The following SPTBN2 variants were observed in gnomAD, a reference collection of about 807,000 sequenced individuals.
The protein encoded by SPTBN2 is spectrin beta, non-erythrocytic 2.
SPTBN2 carries 107 observed loss-of-function variants against 284.2 expected under a neutral mutation model. The observed-to-expected ratio is 0.38, with a 90% CI of 0.32 to 0.44. The LOEUF (loss-of-function observed/expected upper bound fraction) is 0.44. SPTBN2 is among the 20% of genes least tolerant of loss of function. The pLI is 1.00. For missense variants in SPTBN2, 2,569 were observed against 3,287.1 expected (o/e 0.78, Z 5.34); for synonymous variants, 1,289 against 1,354.8 (o/e 0.95, Z 1.07).
Position 66,685,855 on chromosome 11 carries a change from G to A in SPTBN2, c.*16C>T. 6.2e-7 allele frequency: 1 copy of A among 1,611,084 alleles called. No homozygotes were observed. Among genetic ancestry groups the A allele is most frequent in the East Asian group, 2.2e-5 (1 of 44,858 alleles). ...CTGAACGGAGGGAGGGAGTTGGCCTGGGACCTTGCCCCCAACTACTTGTTC... is the reference window on the plus strand; with the variant it reads ...CTGAACGGAGGGAGGGAGTTGGCCTAGGACCTTGCCCCCAACTACTTGTTC... On this transcript the variant is annotated 3_prime_UTR_variant, in exon 38 of 38. Coordinates refer to ENST00000533211, the MANE Select transcript of SPTBN2 (RefSeq NM_006946.4). This position sits in a 1 kb window ranked among gnomAD's most constrained non-coding sequence, Gnocchi z 4.4.
In SPTBN2 at chr11:66,693,964, G is replaced by T; in HGVS notation, c.4504-103C>A. 1 of 1,325,142 alleles carries T rather than the reference G, an allele frequency of 7.5e-7. No homozygotes were observed. Among genetic ancestry groups the T allele is most frequent in the Non-Finnish European group, 1.1e-6 (1 of 946,920 alleles). The allele number at this position is 1,325,142 out of a possible 1,614,324, so 82.1% of individuals were successfully genotyped here. ...ACCTGGGGCTACCGCCCTGTGTGTG[G>T]GGAACAGTCATCTCTGGTTCTGGGA... On this transcript the variant is annotated intron_variant, in intron 22 of 37. Coordinates refer to ENST00000533211, the MANE Select transcript of SPTBN2 (RefSeq NM_006946.4). The surrounding 1 kb of genome is among the most constrained non-coding windows in gnomAD (Gnocchi z 5.7).
At chr11:66,686,627 T>A (rs1270023339) in intron 36 of SPTBN2, 187 bp from the exon 37 acceptor site, 1 of 706,840 alleles carries the variant, frequency 1.4e-6, no homozygotes, top group African/African-American at 1.8e-5. Context: ...CCTTTCTGAC[T>A]GGCCCCAGAG....
chr11:66,688,792 C>G lies in SPTBN2; in HGVS notation c.6092G>C (p.Ser2031Thr). 2 of 1,613,110 alleles carry G rather than the reference C, an allele frequency of 1.2e-6. No individual in the cohort carries two copies. Among genetic ancestry groups the G allele is most frequent in the Non-Finnish European group, 1.7e-6 (2 of 1,180,038 alleles). The change falls in exon 31 of 38, where the codon AGC becomes ACC. Residue 2031 changes from serine (S) to threonine (T), a missense_variant. Physicochemically the swap from Ser to Thr is moderately conservative, Grantham distance 58. Coordinates refer to ENST00000533211, the MANE Select transcript of SPTBN2 (RefSeq NM_006946.4). ...AGCGCTGCGCACCAGTGGCTCCTGG[C>G]TGCAGAGCCAGGCCTCTGCCATCCC... Reference protein sequence around the residue: ...DAGMAEAWLCSQEPLVRSAEL... With the variant: ...DAGMAEAWLCTQEPLVRSAEL...
At position 66,702,937 on chromosome 11, in the gene SPTBN2, C is replaced by CAAA. The variant is rs1170116245; in HGVS notation, c.2679-1219_2679-1217dup. Among the ~76,000 whole-genome samples, 101 of 42,248 alleles carry CAAA rather than the reference C, an allele frequency of 2.4e-3. 1 individual carries two copies. Among genetic ancestry groups the CAAA allele is most frequent in the Middle Eastern group, 0.042 (2 of 48 alleles). The allele number at this position is 42,248 out of a possible 152,430, so 27.7% of individuals were successfully genotyped here. A position where few individuals can be genotyped will look rare whatever the true frequency, so the allele number is the denominator to read the frequency against. ...TGGGGGACAGAGCAAGACTCCGTCT[C>CAAA]AAAAAAAAAAAAAAAAAAAAAAACC... On this transcript the variant is annotated intron_variant, in intron 15 of 37. Coordinates refer to ENST00000533211, the MANE Select transcript of SPTBN2 (RefSeq NM_006946.4).
intron 1 of SPTBN2, among the ~76,000 whole-genome samples, chr11:66,738,393 G>A (rs1942870373): frequency 6.6e-6 from 1 of 152,204 alleles, no homozygotes. Context: ...GAGACATCCT[G>A]ACCCTTTCAG....
rs1433138761 is a variant in SPTBN2 at position 66,684,708 on chromosome 11, C to A, written c.*1163G>T. Among the ~76,000 whole-genome samples, 1 of 151,896 alleles carries A rather than the reference C, an allele frequency of 6.6e-6. No homozygotes were observed. The highest frequency in any genetic ancestry group is 2.4e-5 in the African/African-American group (1 of 41,338). ...ACATGCTTGGGCTGTAAAGTCACCT[C>A]ATGGCTTCCCAGAGTGACTTCATTC... is the stretch of plus-strand genomic sequence containing the variant. On this transcript the variant is annotated 3_prime_UTR_variant, in exon 38 of 38. Transcript: ENST00000533211.
Position 66,707,437 on chromosome 11 carries a change from C to A in SPTBN2, c.1653+79G>T. On this transcript the variant is annotated intron_variant, in intron 13 of 37. Transcript: ENST00000533211. The surrounding 1 kb of genome is among the most constrained non-coding windows in gnomAD (Gnocchi z 4.9). The stretch of plus-strand genomic sequence containing the variant: ...TCACACTCCACAGAGATCGGCCGAG[C>A]AGACGGGCGGACGCACCCACTGTGG... The A allele has an allele frequency of 6.9e-7, 1 of 1,457,978 alleles. No homozygotes were observed. The highest frequency in any genetic ancestry group is 1.2e-5 in the South Asian group (1 of 80,844). 90.3% of individuals were successfully genotyped at this position (1,457,978 alleles called of 1,614,324 possible). A position where few individuals can be genotyped will look rare whatever the true frequency, so the allele number is the denominator to read the frequency against.
Position 66,693,406 on chromosome 11 carries a change from G to C in SPTBN2, c.4634C>G (p.Ala1545Gly). The C allele has an allele frequency of 9.4e-6, 15 of 1,600,314 alleles. No homozygotes were observed. The highest frequency in any genetic ancestry group is 1.3e-5 in the Non-Finnish European group (15 of 1,179,854). The change falls in exon 24 of 38, where the codon GCG becomes GGG. Residue 1545 changes from alanine (A) to glycine (G), a missense_variant. Coordinates refer to ENST00000533211, the MANE Select transcript of SPTBN2 (RefSeq NM_006946.4). The surrounding 1 kb of genome is among the most constrained non-coding windows in gnomAD (Gnocchi z 5.7). ...AGCACGCTGCCGCTCCCTCAGGTCC[G>C]CGATCCGGGGCTCATGGCCCTGAAT... ...KEIQGHEPRI[A>G]DLRERQRALG...
Position 66,687,806 on chromosome 11 carries a change from C to G in SPTBN2, c.6501+62G>C. The G allele has an allele frequency of 5.0e-6, 8 of 1,607,624 alleles. No individual in the cohort carries two copies. In the South Asian group the frequency reaches 7.7e-5, roughly 15 times the overall value. On this transcript the variant is annotated intron_variant, in intron 34 of 37. Transcript: ENST00000533211. The surrounding 1 kb of genome is among the most constrained non-coding windows in gnomAD (Gnocchi z 5.2). ...TCCCCAGTACTCCCCCACCCGCACT[C>G]ACCACCCCCTCTGGACCCTTCGCCT...
Position 66,708,308 on chromosome 11 carries a change from T to TG in SPTBN2, c.1192-10dup. Reference sequence around the variant, plus strand: ...TCCAGCCGCTCCCAAGCCTATGGGGTGGGGACAGGGTTAGTGGAAGGGACA... The same window carrying TG: ...TCCAGCCGCTCCCAAGCCTATGGGGTGGGGGACAGGGTTAGTGGAAGGGACA... On this transcript the variant is annotated splice_polypyrimidine_tract_variant and intron_variant, in intron 11 of 37. Transcript: ENST00000533211. The surrounding 1 kb of genome is among the most constrained non-coding windows in gnomAD (Gnocchi z 4.4). 1 of 1,581,368 alleles carries TG rather than the reference T, an allele frequency of 6.3e-7. No homozygotes were observed. The highest frequency in any genetic ancestry group is 1.1e-5 in the South Asian group (1 of 87,304).
In SPTBN2 at chr11:66,718,681, G is replaced by T. The variant is rs79247419; in HGVS notation, c.157+2403C>A. Among the ~76,000 whole-genome samples the T allele has an allele frequency of 6.6e-6, 1 of 152,258 alleles. No individual in the cohort carries two copies. The highest frequency in any genetic ancestry group is 2.4e-5 in the African/African-American group (1 of 41,470). ...AGTCCATGCTCCCCGCTGGCAGGGG[G>T]CCAGTTTCTGTTCCCCAGTGGAACC... On this transcript the variant is annotated intron_variant, in intron 3 of 37. Transcript: ENST00000533211. This position sits in a 1 kb window ranked among gnomAD's most constrained non-coding sequence, Gnocchi z 4.8.
chr11:66,701,322 G>T (rs1941235822), intron 16 of SPTBN2, 40 bp from the exon 17 acceptor site: 2 of 1,606,236 alleles, frequency 1.2e-6, no homozygotes, highest in African/African-American at 2.7e-5. Context: ...GCCCTGGCCA[G>T]GCCTGTTTGG....
intron 27 of SPTBN2, among the ~76,000 whole-genome samples, chr11:66,690,512 G>C (rs563924275): frequency 6.6e-6 from 1 of 152,312 alleles, no homozygotes; most frequent in South Asian, 2.1e-4. Context: ...ATCTGGAAAA[G>C]AGCCATTGGC....
rs746396925 is a variant in SPTBN2 at position 66,688,170 on chromosome 11, C to G, written c.6373G>C (p.Gly2125Arg). 3.1e-6 allele frequency: 5 copies of G among 1,613,520 alleles called. No homozygotes were observed. The South Asian group carries it at 5.5e-5, about 18-fold the overall frequency. The stretch of plus-strand genomic sequence containing the variant: ...CTACCCAGGCATCCTGGCTCTCACC[C>G]GTCCCAGGTGGTGTCAGAAGCTGTC... ...GQTASDTTWD[G>R]TQPRPPPSTQ... Residue 2125 changes from glycine to arginine, a missense_variant and splice_region_variant, in exon 32 of 38, where the codon GGA (glycine) becomes CGA (arginine). Physicochemically the swap from Gly to Arg is moderately radical, Grantham distance 125. Transcript: ENST00000533211.
intron 21 of SPTBN2, among the ~76,000 whole-genome samples, chr11:66,695,379 C>G (rs1940847092): frequency 6.6e-6 from 1 of 152,214 alleles, no homozygotes; most frequent in African/African-American, 2.4e-5. Flanking sequence ...CCTCAGCCTC[C>G]TGAGTAGCTG....
chr11:66,715,994 C>T lies in SPTBN2; in HGVS notation c.158-13G>A. ...GCTTCTCGTTCATCTGTGGTGGCAACATGGGTTTATTTCTGTCCCTCGAGT... is the reference window on the plus strand; with the variant it reads ...GCTTCTCGTTCATCTGTGGTGGCAATATGGGTTTATTTCTGTCCCTCGAGT... On this transcript the variant is annotated splice_polypyrimidine_tract_variant and intron_variant, in intron 3 of 37. Coordinates refer to ENST00000533211, the MANE Select transcript of SPTBN2 (RefSeq NM_006946.4). This position sits in a 1 kb window ranked among gnomAD's most constrained non-coding sequence, Gnocchi z 5.3. 1.9e-6 allele frequency: 3 copies of T among 1,613,706 alleles called. No individual in the cohort carries two copies. The highest frequency in any genetic ancestry group is 2.5e-6 in the Non-Finnish European group (3 of 1,179,986).
rs1941168028 is a variant in SPTBN2, at chr11:66,700,326, G to A, written c.3573+200C>T. ...TTTTGTAGAGACAAGGTCTTGCCAT[G>A]TTGCCCAGGTTGGTCTGGATATTCT... On this transcript the variant is annotated intron_variant, in intron 17 of 37. Transcript: ENST00000533211. This position sits in a 1 kb window ranked among gnomAD's most constrained non-coding sequence, Gnocchi z 6.6. 6.6e-6 allele frequency among the ~76,000 whole-genome samples: 1 copy of A among 152,114 alleles called. No individual in the cohort carries two copies. Among genetic ancestry groups the A allele is most frequent in the Admixed American group, 6.5e-5 (1 of 15,280 alleles).
intron 32 of SPTBN2, 23 bp downstream of exon 32, chr11:66,688,146 T>C (rs778873025): frequency 6.2e-7 from 1 of 1,613,510 alleles, no homozygotes; most frequent in Non-Finnish European, 8.5e-7. Flanking sequence ...CGCCTCCTCC[T>C]ACCCAGGCAT....
chr11:66,695,894 G>A (rs996633131), intron 21 of SPTBN2, among the ~76,000 whole-genome samples: 1 of 151,914 alleles, frequency 6.6e-6, no homozygotes, highest in Admixed American at 6.6e-5. Flanking sequence ...GCGCCACCAC[G>A]CCTGGCTAAT....
Sources: allele counts gnomAD v4.1 joint callset (sites outside exome capture counted in the v4.1 genomes callset), GRCh38; gene constraint gnomAD v4.1.1; non-coding constraint Gnocchi (gnomAD v3.1); transcripts MANE v1.5; gene names NCBI Gene and HGNC (gene_info 2026-07-23, HGNC 2026-07-21).